The following ERICH3 variants were observed in gnomAD, a reference collection of about 807,000 sequenced individuals.
ERICH3 encodes the protein glutamate-rich protein 3.
Under a neutral mutation model 131.1 loss-of-function variants are expected in ERICH3, and 126 were observed. That is an observed-to-expected ratio of 0.96 (90% CI 0.83 to 1.11). ERICH3 has a LOEUF of 1.11. ERICH3 is among the 50% of genes most tolerant of loss of function. The probability of loss-of-function intolerance (pLI) is 0.00; values close to 1 mark genes in which losing one functional copy is unlikely to be tolerated. For synonymous variants in ERICH3, 695 were observed against 644.6 expected (o/e 1.08, Z -1.18); for missense variants, 2,050 against 1,810.7 (o/e 1.13, Z -2.40).
intron 1 of ERICH3, among the ~76,000 whole-genome samples, chr1:74,667,425 CA>C (rs1360318480): frequency 5.3e-5 from 8 of 152,136 alleles, no homozygotes; most frequent in Non-Finnish European, 7.4e-5. Context: ...TAAGCCATAG[CA>C]GGGGAAATTC....
chr1:74,586,698 C>A (rs1479622463), intron 12 of ERICH3, among the ~76,000 whole-genome samples: 1 of 151,796 alleles, frequency 6.6e-6, no homozygotes, highest in African/African-American at 2.4e-5. Flanking sequence ...ATATAAATGT[C>A]CAACAATAAG....
At chr1:74,612,518 A>G in intron 9 of ERICH3, 105 bp downstream of exon 9, 1 of 1,025,098 alleles carries the variant, frequency 9.8e-7, no homozygotes, top group Non-Finnish European at 1.4e-6. Context: ...AGGCCCATCT[A>G]TACTGAATTT....
intron 12 of ERICH3, chr1:74,586,442 GAA>G: frequency 1.0e-6 from 1 of 984,178 alleles, no homozygotes; most frequent in Non-Finnish European, 1.2e-6. Flanking sequence ...TATCCCTGGA[GAA>G]AAAGAGTAAA....
In ERICH3 at chr1:74,637,994, A is replaced by G. The variant is rs141283965; in HGVS notation, c.445-1556T>C. 4.5e-3 allele frequency among the ~76,000 whole-genome samples: 678 copies of G among 152,280 alleles called. 10 individuals are homozygous for G. Among genetic ancestry groups the G allele is most frequent in the East Asian group, 0.029 (150 of 5,182 alleles). ...AATTGTTCTAATGCAATAAAATAGT[A>G]GAAAGTCTATCAAGAATTGTACATA... On this transcript the variant is annotated intron_variant, in intron 5 of 14. Transcript: ENST00000326665.
intron 13 of ERICH3, among the ~76,000 whole-genome samples, chr1:74,573,923 AAATTATGC>A (rs1201138449): frequency 3.3e-5 from 5 of 151,696 alleles, no homozygotes; most frequent in African/African-American, 1.2e-4. Context: ...TAAGTGGAAA[AAATTATGC>A]AATAAGAAAA....
At position 74,570,042 on chromosome 1, in the gene ERICH3, G is replaced by A. The variant is rs1646917528; in HGVS notation, c.*416C>T. On this transcript the variant is annotated 3_prime_UTR_variant, in exon 15 of 15. Coordinates refer to ENST00000326665, the MANE Select transcript of ERICH3 (RefSeq NM_001002912.5). ...ATAAAATTCCCATGTATGAAATTGA[G>A]ATTGTGGAATTGACTGGGGCTCTGT... 1 of 152,190 alleles carries A rather than the reference G, an allele frequency of 6.6e-6. No homozygotes were observed. Among genetic ancestry groups the A allele is most frequent in the African/African-American group, 2.4e-5 (1 of 41,440 alleles). The allele number at this position is 152,190 out of a possible 1,614,324, so 9.4% of individuals were successfully genotyped here. A position where few individuals can be genotyped will look rare whatever the true frequency, so the allele number is the denominator to read the frequency against.
chr1:74,634,523 TC>T, intron 6 of ERICH3: 1 of 585,772 alleles, frequency 1.7e-6, no homozygotes, highest in South Asian at 2.3e-5. Flanking sequence ...ATTTGAAGAG[TC>T]ACATTAAAGG....
chr1:74,597,638 C>T lies in ERICH3; in HGVS notation c.1726+2057G>A, dbSNP rs188571971. Among the ~76,000 whole-genome samples the T allele has an allele frequency of 3.2e-4, 49 of 151,886 alleles. No individual in the cohort carries two copies. In the East Asian group the frequency reaches 6.6e-3, roughly 20 times the overall value. The stretch of plus-strand genomic sequence containing the variant: ...TGTAGCTAGATATCATGGCACTAAC[C>T]GAAACATCTTCGTATTATTGGTGTT... On this transcript the variant is annotated intron_variant, in intron 11 of 14. Transcript: ENST00000326665.
chr1:74,574,843 A>G (rs1211460805), intron 13 of ERICH3, among the ~76,000 whole-genome samples: 1 of 152,164 alleles, frequency 6.6e-6, no homozygotes, highest in Non-Finnish European at 1.5e-5. Flanking sequence ...CAATTTCCCA[A>G]CTGCAGAATA....
At chr1:74,617,262 A>G (rs1649012238) in intron 8 of ERICH3, among the ~76,000 whole-genome samples, 1 of 152,140 alleles carries the variant, frequency 6.6e-6, no homozygotes, top group South Asian at 2.1e-4. Context: ...GAACTTTAAA[A>G]TAGCACCTAA....
At chr1:74,632,577 C>T (rs1557692782) in intron 6 of ERICH3, among the ~76,000 whole-genome samples, 1 of 151,778 alleles carries the variant, frequency 6.6e-6, no homozygotes, top group African/African-American at 2.4e-5. Flanking sequence ...CACACACACA[C>T]ATATATATGA....
chr1:74,624,500 T>C (rs572726064), intron 7 of ERICH3: 1 of 152,298 alleles, frequency 6.6e-6, no homozygotes, highest in African/African-American at 2.4e-5. Flanking sequence ...TTGCTTTTAG[T>C]ATAGTTACTC....
chr1:74,572,043 G>C lies in ERICH3; in HGVS notation c.3667C>G (p.Pro1223Ala), dbSNP rs1194571545. Reference protein sequence around the residue: ...EGALAAPEAEPAGKVQAPEGL... With the variant: ...EGALAAPEAEAAGKVQAPEGL... ...TCAGGGGCCTGCACCTTTCCTGCTG[G>C]CTCAGCTTCAGGAGCTGCTAAGGCC... The change falls in exon 14 of 15, where the codon CCA (proline) becomes GCA (alanine). Residue 1223 changes from proline to alanine, a missense_variant. Physicochemically the swap from Pro to Ala is conservative, Grantham distance 27. Coordinates refer to ENST00000326665, the MANE Select transcript of ERICH3 (RefSeq NM_001002912.5). 3 of 1,614,038 alleles carry C rather than the reference G, an allele frequency of 1.9e-6. No individual in the cohort carries two copies. The African/African-American group carries it at 4.0e-5, about 22-fold the overall frequency.
intron 6 of ERICH3, 48 bp downstream of exon 6, chr1:74,636,232 A>C (rs748645807): frequency 6.9e-7 from 1 of 1,439,236 alleles, no homozygotes; most frequent in Admixed American, 2.1e-5. Flanking sequence ...AACCTATAAT[A>C]ATCTACTCAA....
At chr1:74,614,593 C>T (rs1380388580) in intron 8 of ERICH3, among the ~76,000 whole-genome samples, 1 of 150,140 alleles carries the variant, frequency 6.7e-6, no homozygotes, top group Non-Finnish European at 1.5e-5. Context: ...AGGAGAATGG[C>T]GTGAACCCGG....
rs372742954 is a variant in ERICH3, at chr1:74,571,234, C to T, written c.4476G>A (p.Gln1492=). 5.0e-6 allele frequency: 8 copies of T among 1,614,104 alleles called. No individual in the cohort carries two copies. Among genetic ancestry groups the T allele is most frequent in the Non-Finnish European group, 5.1e-6 (6 of 1,180,016 alleles). The change falls in exon 14 of 15, where the codon CAG becomes CAA. Residue 1492 remains glutamine (Q), a synonymous_variant. Coordinates refer to ENST00000326665, the MANE Select transcript of ERICH3 (RefSeq NM_001002912.5). ...GCTTCACTGGAAGTGTTGCCATCGC[C>T]TGTAGACTCTCCGGACTCAATTCCC... ...GERELSPESL[Q]AMATLPVKPD... is the part of the protein sequence containing the mutation.
chr1:74,592,124 A>C (rs2100565408), intron 11 of ERICH3: 2 of 152,300 alleles, frequency 1.3e-5, no homozygotes, highest in East Asian at 3.9e-4. Context: ...AGCAGTAAAA[A>C]ACAAACTCAA....
intron 12 of ERICH3, 183 bp from the exon 13 acceptor site, chr1:74,577,119 T>C (rs1261884703): frequency 1.9e-6 from 1 of 531,032 alleles, no homozygotes; most frequent in East Asian, 2.9e-5. Context: ...TAATCTAATG[T>C]TCTTTTATTT....
chr1:74,602,727 C>G (rs1648200619), intron 10 of ERICH3, among the ~76,000 whole-genome samples: 1 of 151,816 alleles, frequency 6.6e-6, no homozygotes, highest in African/African-American at 2.4e-5. Context: ...GTACATCACT[C>G]ATAGCACTAG....
Sources: gnomAD v4.1 joint callset for allele counts (sites outside exome capture counted in the v4.1 genomes callset) on GRCh38, gnomAD v4.1.1 for gene constraint, MANE v1.5 for transcripts, NCBI Gene and HGNC (gene_info 2026-07-23, HGNC 2026-07-21) for gene names.